Variants in GRIK3 observed in about 807,000 individuals in gnomAD.
The protein encoded by GRIK3 is glutamate ionotropic receptor kainate type subunit 3.
GRIK3 carries 29 observed loss-of-function variants against 102.5 expected under a neutral mutation model. The ratio of observed to expected loss-of-function variants is 0.28; its 90% CI spans 0.21 to 0.39. The LOEUF is 0.39. GRIK3 is among the 10% of genes least tolerant of loss of function. The pLI, the probability that GRIK3 is intolerant of heterozygous loss-of-function variation, is 1.00. For missense variants in GRIK3, 908 were observed against 1,252.4 expected, an observed-to-expected ratio of 0.73 and a Z score of 4.15; for synonymous variants, 511 against 504.9, an observed-to-expected ratio of 1.01 and a Z score of -0.16.
Position 36,896,655 on chromosome 1 carries a change from C to A in GRIK3, c.116-5559G>T, listed in dbSNP as rs139813385. Among the ~76,000 whole-genome samples the A allele has an allele frequency of 5.2e-3, 790 of 152,166 alleles. 2 individuals are homozygous for A. Among genetic ancestry groups the A allele is most frequent in the African/African-American group, 0.018 (752 of 41,538 alleles). On this transcript the variant is annotated intron_variant, in intron 1 of 15. Transcript: ENST00000373091. ...AGTGACAAATAAGGTAGATATTAAT[C>A]CAGTTATATCAATTCTCATTTTAAA... is the stretch of plus-strand genomic sequence containing the variant.
Position 36,841,726 on chromosome 1 carries a change from C to G in GRIK3, c.1530+10G>C. The G allele has an allele frequency of 6.2e-7, 1 of 1,610,140 alleles. No individual in the cohort carries two copies. Among genetic ancestry groups the G allele is most frequent in the Non-Finnish European group, 8.5e-7 (1 of 1,176,342 alleles). Reference sequence around the variant, plus strand: ...GTCCTGAGCCCTCCCATGCTCCCATCCATGCTTACGTGGTCGATGAGCTCC... The same window carrying G: ...GTCCTGAGCCCTCCCATGCTCCCATGCATGCTTACGTGGTCGATGAGCTCC... On this transcript the variant is annotated intron_variant, in intron 10 of 15. Coordinates refer to ENST00000373091, the MANE Select transcript of GRIK3 (RefSeq NM_000831.4).
Position 36,819,965 on chromosome 1 carries a change from T to A in GRIK3, c.1755-111A>T. 1.5e-6 allele frequency: 1 copy of A among 666,146 alleles called. No individual in the cohort carries two copies. Among genetic ancestry groups the A allele is most frequent in the Non-Finnish European group, 2.8e-6 (1 of 358,216 alleles). The allele number at this position is 666,146 out of a possible 1,614,324, so 41.3% of individuals were successfully genotyped here. A position where few individuals can be genotyped will look rare whatever the true frequency, so the allele number is the denominator to read the frequency against. Reference sequence around the variant, plus strand: ...GCCAGCCGCCTCAGCGTCAATATCCTCATGGTTCTGCTGGGAGGCAGGGCA... The same window carrying A: ...GCCAGCCGCCTCAGCGTCAATATCCACATGGTTCTGCTGGGAGGCAGGGCA... On this transcript the variant is annotated intron_variant, in intron 11 of 15. Coordinates refer to ENST00000373091, the MANE Select transcript of GRIK3 (RefSeq NM_000831.4). The surrounding 1 kb of genome is among the most constrained non-coding windows in gnomAD (Gnocchi z 4.1).
chr1:36,902,755 A>G (rs1435263841), intron 1 of GRIK3, among the ~76,000 whole-genome samples: 1 of 152,220 alleles, frequency 6.6e-6, no homozygotes, highest in Non-Finnish European at 1.5e-5. Context: ...AAAGAGAATG[A>G]AAAATGAAGC....
intron 1 of GRIK3, among the ~76,000 whole-genome samples, chr1:36,963,740 C>G (rs1342557888): frequency 6.6e-6 from 1 of 152,160 alleles, no homozygotes; most frequent in Non-Finnish European, 1.5e-5. Context: ...CTTTAGGAAA[C>G]AATCCCCAGT....
At chr1:36,886,986 C>T (rs2124269351) in intron 2 of GRIK3, among the ~76,000 whole-genome samples, 1 of 152,244 alleles carries the variant, frequency 6.6e-6, no homozygotes, top group Admixed American at 6.5e-5. Flanking sequence ...CGAATCTATC[C>T]ATTCTCCTAC....
intron 2 of GRIK3, among the ~76,000 whole-genome samples, chr1:36,890,339 C>T (rs755515732): frequency 9.1e-4 from 138 of 152,010 alleles, no homozygotes; most frequent in Non-Finnish European, 7.4e-4. Flanking sequence ...TGGCATGCAC[C>T]TGTAGTCCCA....
rs199654410 is a variant in GRIK3, at chr1:36,805,209, G to A, written c.2343C>T (p.Ile781=). The A allele has an allele frequency of 2.5e-6, 4 of 1,613,120 alleles. No individual in the cohort carries two copies. Among genetic ancestry groups the A allele is most frequent in the Non-Finnish European group, 3.4e-6 (4 of 1,179,494 alleles). Residue 781 remains isoleucine, a synonymous_variant, in exon 15 of 16, where the codon ATC becomes ATT. Transcript: ENST00000373091. ...CCTCCTCCTGAAGCTGCAGGATGGC[G>A]ATGGTGATCTTGTCCCGGTATGGGG... ...MGSPYRDKIT[I]AILQLQEEDK...
At chr1:36,906,180 G>A (rs1208597409) in intron 1 of GRIK3, among the ~76,000 whole-genome samples, 3 of 152,306 alleles carry the variant, frequency 2.0e-5, no homozygotes, top group South Asian at 4.2e-4. Context: ...CAGGGCAGCC[G>A]AGAAGAACAG....
At chr1:36,838,616 T>A (rs1640410353) in intron 10 of GRIK3, among the ~76,000 whole-genome samples, 1 of 151,738 alleles carries the variant, frequency 6.6e-6, no homozygotes, top group Non-Finnish European at 1.5e-5. Flanking sequence ...GAGCAGGGAG[T>A]ATCTGGGAAG....
chr1:36,939,774 A>G (rs922823607), intron 1 of GRIK3, among the ~76,000 whole-genome samples: 4 of 152,212 alleles, frequency 2.6e-5, no homozygotes, highest in African/African-American at 9.6e-5. Context: ...GAATGTTGCT[A>G]TTTCTCAGAG....
intron 1 of GRIK3, among the ~76,000 whole-genome samples, chr1:36,901,101 TA>T (rs910242324): frequency 3.3e-5 from 5 of 152,310 alleles, no homozygotes; most frequent in African/African-American, 1.2e-4. Context: ...TAAATTCTAC[TA>T]AACATTTAAG....
chr1:36,811,085 GT>G (rs1642556372), intron 13 of GRIK3, among the ~76,000 whole-genome samples: 1 of 152,228 alleles, frequency 6.6e-6, no homozygotes, highest in African/African-American at 2.4e-5. Context: ...TGTTGTAAGA[GT>G]ACGTGCTACT....
chr1:36,850,824 T>C lies in GRIK3; in HGVS notation c.1213-400A>G, dbSNP rs914727643. 3.9e-5 allele frequency among the ~76,000 whole-genome samples: 6 copies of C among 152,172 alleles called. No individual in the cohort carries two copies. Among genetic ancestry groups the C allele is most frequent in the African/African-American group, 1.4e-4 (6 of 41,434 alleles). Reference sequence around the variant, plus strand: ...AGGTCTTGCCCTGGGACACAGTCTTTGTGGCTGTTTTGGGGTGGCAGCACA... The same window carrying C: ...AGGTCTTGCCCTGGGACACAGTCTTCGTGGCTGTTTTGGGGTGGCAGCACA... On this transcript the variant is annotated intron_variant, in intron 8 of 15. Coordinates refer to ENST00000373091, the MANE Select transcript of GRIK3 (RefSeq NM_000831.4). This position sits in a 1 kb window ranked among gnomAD's most constrained non-coding sequence, Gnocchi z 4.0.
chr1:37,033,169 G>C (rs1160627164), intron 1 of GRIK3, among the ~76,000 whole-genome samples: 2 of 152,238 alleles, frequency 1.3e-5, no homozygotes, highest in South Asian at 2.1e-4. Flanking sequence ...GTTAAAGACC[G>C]GAGTAAGAGT....
At chr1:36,976,652 T>C (rs1642199386) in intron 1 of GRIK3, among the ~76,000 whole-genome samples, 1 of 152,120 alleles carries the variant, frequency 6.6e-6, no homozygotes, top group Non-Finnish European at 1.5e-5. Flanking sequence ...TGCTATTGGT[T>C]GAAGGGATGA....
intron 1 of GRIK3, among the ~76,000 whole-genome samples, chr1:36,960,143 T>TTGAGCCTGTGTGCCCTG (rs1367202261): frequency 1.3e-5 from 1 of 79,342 alleles, no homozygotes; most frequent in Non-Finnish European, 2.9e-5. Flanking sequence ...CCTGTGCCCC[T>TTGAGCCTGTGTGCCCTG]TGAGCCTGTG....
At chr1:36,870,667 T>C (rs1640833064) in intron 4 of GRIK3, among the ~76,000 whole-genome samples, 1 of 152,220 alleles carries the variant, frequency 6.6e-6, no homozygotes. Context: ...CTCAGAATCT[T>C]CATTTCTAAT....
Position 37,014,933 on chromosome 1 carries a change from G to GTC in GRIK3, c.115+19059_115+19060dup, listed in dbSNP as rs56296966. Among the ~76,000 whole-genome samples, 1,231 of 139,784 alleles carry GTC rather than the reference G, an allele frequency of 8.8e-3. 14 individuals carry two copies. The highest frequency in any genetic ancestry group is 0.047 in the East Asian group (223 of 4,704). 91.7% of individuals were successfully genotyped at this position (139,784 alleles called of 152,430 possible). On this transcript the variant is annotated intron_variant, in intron 1 of 15. Coordinates refer to ENST00000373091, the MANE Select transcript of GRIK3 (RefSeq NM_000831.4). ...TTTCTCTCTCTCTCTCTCTGTTTTT[G>GTC]TCTCTCTCTCTCTCTCTCTCTCTCT... is the stretch of plus-strand genomic sequence containing the variant.
At chr1:36,980,591 A>G (rs1642239145) in intron 1 of GRIK3, among the ~76,000 whole-genome samples, 1 of 151,710 alleles carries the variant, frequency 6.6e-6, no homozygotes, top group South Asian at 2.1e-4. Flanking sequence ...CCAGATTGAC[A>G]GGTGTGACTA....
Sources: gnomAD v4.1 joint callset for allele counts (sites outside exome capture counted in the v4.1 genomes callset) on GRCh38, gnomAD v4.1.1 for gene constraint, Gnocchi (gnomAD v3.1) non-coding constraint, MANE v1.5 for transcripts, NCBI Gene and HGNC (gene_info 2026-07-23, HGNC 2026-07-21) for gene names.